BIRC3: variants seen among roughly 807,000 people sequenced by gnomAD.
The protein encoded by BIRC3 is baculoviral IAP repeat-containing protein 3.
BIRC3 carries 26 observed loss-of-function variants against 59.0 expected under a neutral mutation model. The observed-to-expected ratio is 0.44, with a 90% CI of 0.32 to 0.61. The LOEUF (loss-of-function observed/expected upper bound fraction) is 0.61, where lower values mean the gene tolerates loss of function less well. Ranked by LOEUF, BIRC3 falls within the 20% of genes least tolerant of loss-of-function variation. BIRC3 has a pLI of 0.04. For missense variants in BIRC3, 641 were observed against 711.5 expected, an observed-to-expected ratio of 0.90 and a Z score of 1.13; for synonymous variants, 243 against 249.2, an observed-to-expected ratio of 0.98 and a Z score of 0.24.
Position 102,324,471 on chromosome 11 carries a change from G to T in BIRC3, c.-39G>T. The stretch of plus-strand genomic sequence containing the variant: ...AGCCATGCACAAAACTACCTCCCTA[G>T]AGAAAGGCTAGTCCCTTTTCTTCCC... On this transcript the variant is annotated 5_prime_UTR_variant, in exon 2 of 9. An upstream open reading frame in the 5' UTR gains an earlier in-frame stop. Coordinates refer to ENST00000263464, the MANE Select transcript of BIRC3 (RefSeq NM_001165.5). 1 of 1,551,358 alleles carries T rather than the reference G, an allele frequency of 6.4e-7. No individual in the cohort carries two copies. Among genetic ancestry groups the T allele is most frequent in the South Asian group, 1.3e-5 (1 of 79,526 alleles).
chr11:102,328,855 AATT>A (rs1951109712), intron 4 of BIRC3, 39 bp from the exon 5 acceptor site: 1 of 731,912 alleles, frequency 1.4e-6, no homozygotes, highest in Non-Finnish European at 1.8e-6. Flanking sequence ...TTTCTATTTT[AATT>A]TATATATATA....
intron 7 of BIRC3, chr11:102,336,454 G>A (rs1951197755): frequency 5.3e-6 from 3 of 567,104 alleles, no homozygotes; most frequent in Admixed American, 3.5e-5. Context: ...CAAATTATTT[G>A]TGATGGTGTA....
chr11:102,320,434 T>G (rs1951019944), intron 1 of BIRC3: 1 of 152,112 alleles, frequency 6.6e-6, no homozygotes, highest in South Asian at 2.1e-4. Context: ...ATTTTTGAGT[T>G]TCTTTGTAGA....
chr11:102,333,605 C>A (rs1473167112), intron 6 of BIRC3, among the ~76,000 whole-genome samples: 2 of 150,582 alleles, frequency 1.3e-5, no homozygotes, highest in East Asian at 1.9e-4. Flanking sequence ...AAAGCAAAAA[C>A]AAAATTAATA....
In BIRC3 at chr11:102,324,395, A is replaced by C; in HGVS notation, c.-115A>C. Reference sequence around the variant, plus strand: ...AAATGCATAGAAATAAAAATAATAAAAAATTTTTCATTTTGGCTTTTCAGC... The same window carrying C: ...AAATGCATAGAAATAAAAATAATAACAAATTTTTCATTTTGGCTTTTCAGC... On this transcript the variant is annotated 5_prime_UTR_variant, in exon 2 of 9. Transcript: ENST00000263464. 8.1e-7 allele frequency: 1 copy of C among 1,227,344 alleles called. No homozygotes were observed. The highest frequency in any genetic ancestry group is 1.1e-6 in the Non-Finnish European group (1 of 905,082). 76.0% of individuals were successfully genotyped at this position (1,227,344 alleles called of 1,614,324 possible).
chr11:102,325,270 C>T lies in BIRC3; in HGVS notation c.761C>T (p.Thr254Ile). Residue 254 changes from threonine to isoleucine, a missense_variant, in exon 2 of 9, where the codon ACA (threonine) becomes ATA (isoleucine). Around this residue, in one of 4 missense-constraint regions of BIRC3, gnomAD observed 329 missense variants for 365.6 expected, o/e 0.90. Coordinates refer to ENST00000263464, the MANE Select transcript of BIRC3 (RefSeq NM_001165.5). ...ACAGTTTCTAATCTGAGCATGCAGA[C>T]ACATGCAGCCCGCTTTAAAACATTC... ...RYTVSNLSMQ[T>I]HAARFKTFFN... 1.2e-6 allele frequency: 2 copies of T among 1,614,146 alleles called. No homozygotes were observed. The highest frequency in any genetic ancestry group is 1.7e-6 in the Non-Finnish European group (2 of 1,180,020).
intron 3 of BIRC3, 107 bp downstream of exon 3, chr11:102,325,672 T>C: frequency 9.0e-7 from 1 of 1,108,134 alleles, no homozygotes; most frequent in Non-Finnish European, 1.3e-6. Context: ...AAATATATAT[T>C]TGTGAATAAG....
chr11:102,330,623 C>T (rs1478072834), intron 5 of BIRC3, among the ~76,000 whole-genome samples: 1 of 152,178 alleles, frequency 6.6e-6, no homozygotes, highest in Non-Finnish European at 1.5e-5. Context: ...ATAACCATAG[C>T]CTCTCTGAAA....
chr11:102,327,912 A>G (rs971392701), intron 3 of BIRC3, 140 bp from the exon 4 acceptor site: 4 of 614,096 alleles, frequency 6.5e-6, no homozygotes, highest in Non-Finnish European at 1.1e-5. Flanking sequence ...AGAATAAATG[A>G]TCTTAAATGA....
intron 3 of BIRC3, chr11:102,326,641 T>C: frequency 4.5e-6 from 2 of 446,558 alleles, no homozygotes; most frequent in Non-Finnish European, 9.0e-6. Context: ...GCACTGTTTT[T>C]TTTCTAAATG....
In BIRC3 at chr11:102,330,038, T is replaced by C. The variant is rs895070329; in HGVS notation, c.1082-961T>C. The stretch of plus-strand genomic sequence containing the variant: ...CAAATACACAGACAGGAGAAAGGGA[T>C]ATGGCAGCAAAAGTAAAGTGTAATA... On this transcript the variant is annotated intron_variant, in intron 5 of 8. Transcript: ENST00000263464. Among the ~76,000 whole-genome samples the C allele has an allele frequency of 2.6e-5, 4 of 152,096 alleles. 1 individual carries two copies. The highest frequency in any genetic ancestry group is 2.4e-5 in the African/African-American group (1 of 41,412).
intron 1 of BIRC3, among the ~76,000 whole-genome samples, chr11:102,318,018 G>A (rs924242680): frequency 2.6e-5 from 4 of 152,104 alleles, no homozygotes; most frequent in Non-Finnish European, 5.9e-5. Context: ...TTGTCTTCCT[G>A]GTGATCAGCA....
intron 1 of BIRC3, among the ~76,000 whole-genome samples, chr11:102,317,949 G>A (rs888488888): frequency 1.3e-5 from 2 of 152,256 alleles, no homozygotes; most frequent in East Asian, 1.9e-4. Context: ...GAAGTAAAAC[G>A]TTTAATGAGC....
At chr11:102,334,425 C>A (rs776625454) in intron 6 of BIRC3, among the ~76,000 whole-genome samples, 1 of 152,114 alleles carries the variant, frequency 6.6e-6, no homozygotes, top group African/African-American at 2.4e-5. Context: ...CAAAATATGT[C>A]TTTAGCCTTG....
intron 6 of BIRC3, among the ~76,000 whole-genome samples, chr11:102,333,944 T>A (rs993168061): frequency 6.6e-6 from 1 of 152,052 alleles, no homozygotes; most frequent in South Asian, 2.1e-4. Flanking sequence ...CTACAAAAAA[T>A]TTTTAAAACA....
chr11:102,327,362 C>T lies in BIRC3; in HGVS notation c.954-690C>T, dbSNP rs146269248. Among the ~76,000 whole-genome samples the T allele has an allele frequency of 9.2e-5, 14 of 152,224 alleles. No homozygotes were observed. The East Asian group carries it at 1.4e-3, about 15-fold the overall frequency. Reference sequence around the variant, plus strand: ...ACTTTTCAAAATTAGCTGAAGTGGTCGGGTGCAGTGGCTCATGCCTGTAAT... The same window carrying T: ...ACTTTTCAAAATTAGCTGAAGTGGTTGGGTGCAGTGGCTCATGCCTGTAAT... On this transcript the variant is annotated intron_variant, in intron 3 of 8. Transcript: ENST00000263464.
chr11:102,322,048 T>TATAC lies in BIRC3; in HGVS notation c.-2461_-2458dup, dbSNP rs1436890313. On this transcript the variant is annotated 5_prime_UTR_variant, in exon 2 of 9. The change creates a premature stop within an existing upstream ORF in the 5' untranslated region. Transcript: ENST00000263464. ...ATAAACATGATCGAGTTATATAAGG[T>TATAC]ATACCATAATGAGTTTGATTTTGAA... 5.1e-6 allele frequency: 1 copy of TATAC among 197,086 alleles called. No individual in the cohort carries two copies. Among genetic ancestry groups the TATAC allele is most frequent in the Admixed American group, 6.1e-5 (1 of 16,454 alleles). 12.2% of individuals were successfully genotyped at this position (197,086 alleles called of 1,614,324 possible). A position where few individuals can be genotyped will look rare whatever the true frequency, so the allele number is the denominator to read the frequency against.
In BIRC3 at chr11:102,324,260, T is replaced by C; in HGVS notation, c.-250T>C. The C allele has an allele frequency of 2.7e-6, 1 of 366,626 alleles. No homozygotes were observed. Among genetic ancestry groups the C allele is most frequent in the Non-Finnish European group, 4.9e-6 (1 of 206,156 alleles). 22.7% of individuals were successfully genotyped at this position (366,626 alleles called of 1,614,324 possible). ...TTTTAATTTTCAACACAGCTTACTC[T>C]GTAGCATCATGTTTACATTGTATGT... is the stretch of plus-strand genomic sequence containing the variant. On this transcript the variant is annotated 5_prime_UTR_variant, in exon 2 of 9. Coordinates refer to ENST00000263464, the MANE Select transcript of BIRC3 (RefSeq NM_001165.5).
At chr11:102,326,949 T>C in intron 3 of BIRC3, 1 of 350,894 alleles carries the variant, frequency 2.8e-6, no homozygotes, top group Admixed American at 3.9e-5. Flanking sequence ...CTCAGGACTT[T>C]GAGGTGCTTG....
Sources: allele counts gnomAD v4.1 joint callset (sites outside exome capture counted in the v4.1 genomes callset), GRCh38; gene constraint gnomAD v4.1.1; regional missense constraint gnomAD v4.1.1; transcripts MANE v1.5; gene names NCBI Gene and HGNC (gene_info 2026-07-23, HGNC 2026-07-21).